CLNK: variants seen among roughly 807,000 people sequenced by gnomAD.
The protein encoded by CLNK is cytokine-dependent hematopoietic cell linker.
In CLNK, 74 loss-of-function variants were observed where a neutral mutation model predicts 68.6. That is an observed-to-expected ratio of 1.08 (90% CI 0.89 to 1.31). The LOEUF (loss-of-function observed/expected upper bound fraction) is 1.31, where lower values mean the gene tolerates loss of function less well. Ranked by LOEUF, CLNK falls within the 50% of genes most tolerant of loss-of-function variation. The probability of loss-of-function intolerance (pLI) is 0.00; values close to 1 mark genes in which losing one functional copy is unlikely to be tolerated. For synonymous variants in CLNK, 198 were observed against 172.2 expected, an observed-to-expected ratio of 1.15 and a Z score of -1.17; for missense variants, 553 against 515.3, an observed-to-expected ratio of 1.07 and a Z score of -0.71.
intron 1 of CLNK, among the ~76,000 whole-genome samples, chr4:10,669,891 C>A (rs1349336782): frequency 1.3e-5 from 2 of 152,162 alleles, no homozygotes; most frequent in African/African-American, 2.4e-5. Context: ...ATTTGGAAGT[C>A]ATTTCCATCA....
the CLNK span, among the ~76,000 whole-genome samples, chr4:10,734,401 C>T: frequency 6.6e-5 from 10 of 152,212 alleles, no homozygotes; most frequent in Admixed American, 3.9e-4. Flanking sequence ...TGGCATTACC[C>T]AGCCGAATCT....
chr4:10,622,310 C>T (rs1028505694), intron 2 of CLNK, among the ~76,000 whole-genome samples: 1 of 152,178 alleles, frequency 6.6e-6, no homozygotes, highest in Non-Finnish European at 1.5e-5. Flanking sequence ...GGGAGGCAAA[C>T]TTGGGTCACC....
chr4:10,698,339 T>C, the CLNK span, among the ~76,000 whole-genome samples: 1 of 152,204 alleles, frequency 6.6e-6, no homozygotes. Flanking sequence ...GCAAGGTCCA[T>C]ACTATAGTTG....
intron 2 of CLNK, among the ~76,000 whole-genome samples, chr4:10,649,082 C>T (rs750465529): frequency 6.6e-5 from 10 of 152,080 alleles, no homozygotes; most frequent in East Asian, 1.9e-4. Flanking sequence ...TAGTGAATCA[C>T]GTTAAGCAAA....
intron 11 of CLNK, among the ~76,000 whole-genome samples, chr4:10,539,676 G>T (rs1426269390): frequency 1.3e-5 from 2 of 152,190 alleles, no homozygotes; most frequent in Non-Finnish European, 2.9e-5. Flanking sequence ...ACACGTTTGG[G>T]AATGAAGAGC....
At chr4:10,612,664 T>C (rs543859387) in intron 2 of CLNK, among the ~76,000 whole-genome samples, 1 of 152,330 alleles carries the variant, frequency 6.6e-6, no homozygotes, top group East Asian at 1.9e-4. Flanking sequence ...CTACTGCCCT[T>C]GGTACACAGT....
intron 2 of CLNK, among the ~76,000 whole-genome samples, chr4:10,600,816 T>G (rs1439832505): frequency 1.3e-5 from 2 of 152,236 alleles, no homozygotes; most frequent in African/African-American, 4.8e-5. Flanking sequence ...GAGCCCTCAC[T>G]TTCATCATGT....
chr4:10,523,949 C>T (rs779296597), intron 14 of CLNK: 4 of 390,822 alleles, frequency 1.0e-5, no homozygotes, highest in East Asian at 9.6e-5. Context: ...CACTTGAGCC[C>T]GGGAGGTCAA....
At chr4:10,589,863 A>G (rs1721121029) in intron 3 of CLNK, among the ~76,000 whole-genome samples, 1 of 152,220 alleles carries the variant, frequency 6.6e-6, no homozygotes, top group African/African-American at 2.4e-5. Context: ...AGCAAGGCCC[A>G]TGTATTAGCA....
At chr4:10,604,249 A>G (rs548117286) in intron 2 of CLNK, among the ~76,000 whole-genome samples, 57 of 152,354 alleles carry the variant, frequency 3.7e-4, no homozygotes, top group Non-Finnish European at 6.8e-4. Flanking sequence ...GCAATTGGTA[A>G]TTGAGATATT....
In CLNK at chr4:10,640,175, C is replaced by CT. The variant is rs201827210; in HGVS notation, c.11+27683dup. Among the ~76,000 whole-genome samples the CT allele has an allele frequency of 3.5e-3, 530 of 149,992 alleles. 2 individuals carry two copies. The highest frequency in any genetic ancestry group is 0.012 in the African/African-American group (497 of 40,952). On this transcript the variant is annotated intron_variant, in intron 2 of 18. Transcript: ENST00000226951. ...GGACTAACATTTTTTTTTTTTGTCT[C>CT]TTTTTTTTGAGGCAGAGTCTTACTC...
At chr4:10,535,498 C>T (rs1423298822) in intron 11 of CLNK, among the ~76,000 whole-genome samples, 1 of 152,110 alleles carries the variant, frequency 6.6e-6, no homozygotes, top group East Asian at 1.9e-4. Context: ...TATAAGATCC[C>T]AAACCGGGCC....
intron 4 of CLNK, among the ~76,000 whole-genome samples, chr4:10,572,597 C>A (rs1720395609): frequency 6.6e-6 from 1 of 152,118 alleles, no homozygotes; most frequent in Admixed American, 6.5e-5. Context: ...AAATTAAATT[C>A]TCTTTATTAG....
the CLNK span, among the ~76,000 whole-genome samples, chr4:10,699,422 TA>T: frequency 7.0e-6 from 1 of 142,664 alleles, no homozygotes; most frequent in South Asian, 2.2e-4. Flanking sequence ...GTCCCTTACA[TA>T]AAATGACATT....
At chr4:10,520,248 T>A (rs1195043685) in intron 15 of CLNK, among the ~76,000 whole-genome samples, 3 of 152,212 alleles carry the variant, frequency 2.0e-5, no homozygotes, top group Non-Finnish European at 4.4e-5. Context: ...AGATGTGATA[T>A]CCTTCTGATT....
intron 2 of CLNK, among the ~76,000 whole-genome samples, chr4:10,617,840 T>G (rs1036581862): frequency 2.0e-5 from 3 of 152,240 alleles, no homozygotes; most frequent in Admixed American, 6.5e-5. Context: ...AACAGCTTTG[T>G]TTGCTTTTGT....
chr4:10,590,101 AG>A (rs1721131454), intron 3 of CLNK, among the ~76,000 whole-genome samples: 1 of 152,226 alleles, frequency 6.6e-6, no homozygotes, highest in Admixed American at 6.5e-5. Context: ...CACTGTGGCA[AG>A]AAAGTGCATG....
chr4:10,571,340 T>A (rs1422256432), intron 5 of CLNK, among the ~76,000 whole-genome samples: 3 of 142,852 alleles, frequency 2.1e-5, no homozygotes, highest in Non-Finnish European at 3.0e-5. Flanking sequence ...TTTTTTTTTT[T>A]TTTTTTTTTT....
chr4:10,653,898 G>A lies in CLNK; in HGVS notation c.11+13961C>T, dbSNP rs114779444. 3.0e-3 allele frequency among the ~76,000 whole-genome samples: 454 copies of A among 152,206 alleles called. 8 individuals carry two copies. In the South Asian group the frequency reaches 0.036, roughly 12 times the overall value. On this transcript the variant is annotated intron_variant, in intron 2 of 18. Transcript: ENST00000226951. The stretch of plus-strand genomic sequence containing the variant: ...AAACACGTATGTAGAAAAATATCTA[G>A]CAACAAAAATTACTCATGAGGGAAT...
Sources: allele counts gnomAD v4.1 joint callset (sites outside exome capture counted in the v4.1 genomes callset), GRCh38; gene constraint gnomAD v4.1.1; transcripts MANE v1.5; gene names NCBI Gene and HGNC (gene_info 2026-07-23, HGNC 2026-07-21).